The following DENND1A variants were observed in gnomAD, a reference collection of about 807,000 sequenced individuals.
The protein encoded by DENND1A is DENN domain containing 1A.
In DENND1A, 51 loss-of-function variants were observed where a neutral mutation model predicts 113.7. The observed-to-expected ratio is 0.45, with a 90% CI of 0.36 to 0.57. DENND1A has a LOEUF of 0.57. Ranked by LOEUF, DENND1A falls within the 20% of genes least tolerant of loss-of-function variation. The pLI, the probability that DENND1A is intolerant of heterozygous loss-of-function variation, is 0.00. For synonymous variants in DENND1A, 565 were observed against 570.8 expected, an observed-to-expected ratio of 0.99 and a Z score of 0.14; for missense variants, 1,258 against 1,395.9, an observed-to-expected ratio of 0.90 and a Z score of 1.57.
At chr9:123,474,574 T>C (rs2049746222) in intron 13 of DENND1A, among the ~76,000 whole-genome samples, 1 of 152,202 alleles carries the variant, frequency 6.6e-6, no homozygotes, top group Non-Finnish European at 1.5e-5. Context: ...GGCAAATGTC[T>C]CTCATTAATG....
intron 12 of DENND1A, among the ~76,000 whole-genome samples, chr9:123,572,435 T>C (rs1259322262): frequency 6.6e-6 from 1 of 152,174 alleles, no homozygotes; most frequent in Non-Finnish European, 1.5e-5. Flanking sequence ...AATACCTAGG[T>C]GTGGGATCGC....
intron 19 of DENND1A, chr9:123,414,220 A>T: frequency 8.5e-7 from 1 of 1,179,024 alleles, no homozygotes; most frequent in Non-Finnish European, 1.1e-6. Flanking sequence ...AAGTACAGGT[A>T]ACAGCACTGC....
At chr9:123,723,390 G>GA (rs2067479742) in intron 5 of DENND1A, among the ~76,000 whole-genome samples, 2 of 152,216 alleles carry the variant, frequency 1.3e-5, no homozygotes, top group African/African-American at 4.8e-5. Flanking sequence ...GACTTTGGGG[G>GA]ACTGTTGGGA....
chr9:123,647,845 A>G (rs752464853), intron 9 of DENND1A, among the ~76,000 whole-genome samples: 5 of 152,210 alleles, frequency 3.3e-5, no homozygotes, highest in African/African-American at 7.2e-5. Context: ...TAAAACCTAA[A>G]AAAAGCCACT....
chr9:123,451,576 C>T (rs1188964587), intron 17 of DENND1A, among the ~76,000 whole-genome samples: 1 of 152,148 alleles, frequency 6.6e-6, no homozygotes, highest in South Asian at 2.1e-4. Context: ...ACCACGAACA[C>T]GCTTCAGGAA....
chr9:123,862,950 A>G (rs1286451438), intron 2 of DENND1A, among the ~76,000 whole-genome samples: 1 of 152,226 alleles, frequency 6.6e-6, no homozygotes, highest in Non-Finnish European at 1.5e-5. Context: ...TCAACTGCAA[A>G]TACATCAAAT....
intron 5 of DENND1A, among the ~76,000 whole-genome samples, chr9:123,687,528 G>T (rs2064886042): frequency 6.6e-6 from 1 of 152,196 alleles, no homozygotes; most frequent in African/African-American, 2.4e-5. Context: ...ATTAAAATAA[G>T]CGATAAGGCC....
At chr9:123,394,417 C>T (rs2043013338) in intron 21 of DENND1A, among the ~76,000 whole-genome samples, 1 of 151,852 alleles carries the variant, frequency 6.6e-6, no homozygotes, top group Non-Finnish European at 1.5e-5. Context: ...TCGTGGAGGG[C>T]CTGGAGCCAG....
At chr9:123,430,728 T>C (rs1166554289) in intron 19 of DENND1A, among the ~76,000 whole-genome samples, 3 of 152,194 alleles carry the variant, frequency 2.0e-5, no homozygotes, top group African/African-American at 7.2e-5. Context: ...GATGCTGGGC[T>C]TAATACCTAG....
chr9:123,609,297 A>G, intron 11 of DENND1A, 139 bp downstream of exon 11: 3 of 820,350 alleles, frequency 3.7e-6, no homozygotes, highest in Non-Finnish European at 5.4e-6. Flanking sequence ...CCGAACGCTC[A>G]GCTCTGTACG....
At chr9:123,585,216 A>G (rs538902841) in intron 11 of DENND1A, among the ~76,000 whole-genome samples, 1 of 152,254 alleles carries the variant, frequency 6.6e-6, no homozygotes, top group East Asian at 1.9e-4. Flanking sequence ...CTATCCATCA[A>G]TTCCTAAACA....
At chr9:123,448,569 A>G (rs2047478734) in intron 18 of DENND1A, among the ~76,000 whole-genome samples, 1 of 152,218 alleles carries the variant, frequency 6.6e-6, no homozygotes, top group Non-Finnish European at 1.5e-5. Flanking sequence ...TATATCTGCA[A>G]TCCATTTCAG....
intron 19 of DENND1A, among the ~76,000 whole-genome samples, chr9:123,412,436 G>A (rs533454911): frequency 6.7e-4 from 102 of 152,304 alleles, no homozygotes; most frequent in African/African-American, 2.1e-3. Flanking sequence ...GGGACTCAGC[G>A]TGGGATCCCT....
At chr9:123,839,037 G>C (rs1336969230) in intron 2 of DENND1A, among the ~76,000 whole-genome samples, 1 of 152,224 alleles carries the variant, frequency 6.6e-6, no homozygotes, top group Non-Finnish European at 1.5e-5. Context: ...CAGTGCAGCA[G>C]AGCACCTGGA....
At chr9:123,865,209 G>C (rs1845643318) in intron 2 of DENND1A, among the ~76,000 whole-genome samples, 1 of 152,212 alleles carries the variant, frequency 6.6e-6, no homozygotes, top group South Asian at 2.1e-4. Flanking sequence ...GCAGTGGTCA[G>C]CTCTAAATCT....
intron 1 of DENND1A, among the ~76,000 whole-genome samples, chr9:123,884,602 C>T (rs1232633829): frequency 6.6e-6 from 1 of 152,134 alleles, no homozygotes; most frequent in Non-Finnish European, 1.5e-5. Context: ...ACCATGCATG[C>T]ATGCCCTAAT....
At chr9:123,697,004 G>T (rs973952817) in intron 5 of DENND1A, among the ~76,000 whole-genome samples, 1 of 152,098 alleles carries the variant, frequency 6.6e-6, no homozygotes, top group African/African-American at 2.4e-5. Flanking sequence ...CCACTGTGCC[G>T]GTTAAATTTA....
chr9:123,383,520 G>A, intron 23 of DENND1A, 135 bp downstream of exon 23: 2 of 1,392,366 alleles, frequency 1.4e-6, no homozygotes. Flanking sequence ...CAGTCACACT[G>A]ACCCTGAGCA....
chr9:123,916,522 G>A (rs1855173653), intron 1 of DENND1A, among the ~76,000 whole-genome samples: 1 of 151,962 alleles, frequency 6.6e-6, no homozygotes, highest in African/African-American at 2.4e-5. Context: ...ACAGGCATGT[G>A]CCACCACGCC....
Sources: allele counts gnomAD v4.1 joint callset (sites outside exome capture counted in the v4.1 genomes callset), GRCh38; gene constraint gnomAD v4.1.1; transcripts MANE v1.5; gene names NCBI Gene and HGNC (gene_info 2026-07-23, HGNC 2026-07-21).